ALKBH8: variants seen among roughly 807,000 people sequenced by gnomAD.
ALKBH8 encodes alkB homolog 8, tRNA methyltransferase.
A neutral mutation model predicts 59.8 loss-of-function variants in ALKBH8; 36 were observed. The ratio of observed to expected loss-of-function variants is 0.60; its 90% CI spans 0.46 to 0.79. ALKBH8 has a LOEUF of 0.79. ALKBH8 is among the 30% of genes least tolerant of loss of function. The probability of loss-of-function intolerance (pLI) is 0.00; values close to 1 mark genes in which losing one functional copy is unlikely to be tolerated. For missense variants in ALKBH8, 768 were observed against 801.0 expected (o/e 0.96, Z 0.50); for synonymous variants, 276 against 273.6 (o/e 1.01, Z -0.09).
At chr11:107,539,571 C>A (rs1465242698) in intron 7 of ALKBH8, among the ~76,000 whole-genome samples, 2 of 151,492 alleles carry the variant, frequency 1.3e-5, no homozygotes, top group African/African-American at 4.9e-5. Flanking sequence ...TGCACTCCAG[C>A]CTGGGCAACA....
intron 8 of ALKBH8, among the ~76,000 whole-genome samples, chr11:107,527,058 GAATCGGTTTGTC>G (rs1341017244): frequency 6.6e-6 from 1 of 151,854 alleles, no homozygotes; most frequent in Non-Finnish European, 1.5e-5. Flanking sequence ...ATAAATTTTA[GAATCGGTTTGTC>G]AATTTTGTCA....
Position 107,514,196 on chromosome 11 carries a change from A to C in ALKBH8, c.1288-3160T>G, listed in dbSNP as rs562197055. On this transcript the variant is annotated intron_variant, in intron 10 of 11. Coordinates refer to ENST00000428149, the MANE Select transcript of ALKBH8 (RefSeq NM_138775.3). The stretch of plus-strand genomic sequence containing the variant: ...AGTGACATTCAATTTACCAAAAAAA[A>C]CAGTATTTTTATTAAAAGTTCCTTA... 2.4e-4 allele frequency among the ~76,000 whole-genome samples: 37 copies of C among 152,336 alleles called. No homozygotes were observed. The South Asian group carries it at 3.3e-3, about 14-fold the overall frequency.
chr11:107,553,774 C>A, intron 4 of ALKBH8, 73 bp downstream of exon 4: 1 of 1,481,272 alleles, frequency 6.8e-7, no homozygotes. Context: ...ATTAATAAAC[C>A]ATGAAAGACA....
At chr11:107,561,279 A>C (rs1864928066) in intron 1 of ALKBH8, among the ~76,000 whole-genome samples, 1 of 152,162 alleles carries the variant, frequency 6.6e-6, no homozygotes. Flanking sequence ...GGGGAGAAAT[A>C]ACACACAAAA....
intron 8 of ALKBH8, among the ~76,000 whole-genome samples, chr11:107,529,406 T>C (rs891731882): frequency 1.6e-4 from 24 of 152,168 alleles, no homozygotes; most frequent in African/African-American, 5.3e-4. Context: ...TTTAGAAATA[T>C]ATTGTTTATC....
intron 8 of ALKBH8, among the ~76,000 whole-genome samples, 181 bp from the exon 9 acceptor site, chr11:107,525,773 T>C (rs1453845200): frequency 1.3e-5 from 2 of 151,968 alleles, no homozygotes; most frequent in Non-Finnish European, 2.9e-5. Flanking sequence ...GGAAATTATC[T>C]TCATGACAAT....
intron 2 of ALKBH8, among the ~76,000 whole-genome samples, chr11:107,557,767 C>T (rs1480525353): frequency 6.6e-6 from 1 of 152,154 alleles, no homozygotes. Flanking sequence ...AAACTTTATT[C>T]AAGGAAATTT....
chr11:107,553,822 A>G (rs773469230), intron 4 of ALKBH8, 25 bp downstream of exon 4: 2 of 1,598,354 alleles, frequency 1.3e-6, no homozygotes, highest in Admixed American at 3.5e-5. Context: ...ACTTTCAAAT[A>G]TCAGATTTTG....
intron 7 of ALKBH8, among the ~76,000 whole-genome samples, chr11:107,540,078 A>T (rs1282512801): frequency 6.6e-6 from 1 of 152,180 alleles, no homozygotes; most frequent in African/African-American, 2.4e-5. Flanking sequence ...ATTGCTACTG[A>T]GAGAAAATGA....
At chr11:107,521,353 G>A (rs12421988) in intron 10 of ALKBH8, among the ~76,000 whole-genome samples, 18,125 of 151,874 alleles carry the variant, frequency 0.12, 1,277 homozygotes, top group Admixed American at 0.21. Context: ...CATTAAATAT[G>A]CATTTTATTT....
chr11:107,525,625 A>G, intron 8 of ALKBH8, 33 bp from the exon 9 acceptor site: 1 of 1,317,088 alleles, frequency 7.6e-7, no homozygotes, highest in Non-Finnish European at 9.8e-7. Context: ...TTTACTTAAC[A>G]TTGTATTAAT....
At chr11:107,519,643 G>A (rs952845358) in intron 10 of ALKBH8, among the ~76,000 whole-genome samples, 11 of 152,060 alleles carry the variant, frequency 7.2e-5, no homozygotes, top group Admixed American at 5.9e-4. Flanking sequence ...AATACATACT[G>A]GTTGAGAGTC....
In ALKBH8 at chr11:107,520,201, A is replaced by T. The variant is rs568505241; in HGVS notation, c.1287+2098T>A. 2.6e-5 allele frequency among the ~76,000 whole-genome samples: 4 copies of T among 152,318 alleles called. No individual in the cohort carries two copies. In the East Asian group the frequency reaches 7.7e-4, roughly 29 times the overall value. ...CTCCTCACCATTCAACAAACCATTA[A>T]TTAGTAAGCTTCTACCATGTGCCAA... On this transcript the variant is annotated intron_variant, in intron 10 of 11. Coordinates refer to ENST00000428149, the MANE Select transcript of ALKBH8 (RefSeq NM_138775.3).
chr11:107,522,601 T>C lies in ALKBH8; in HGVS notation c.1031-46A>G, dbSNP rs891649222. Reference sequence around the variant, plus strand: ...CACCTTTCCTTTTTATCAGAATAACTCATAAGGTATCAAGTTTTCTTAAAT... The same window carrying C: ...CACCTTTCCTTTTTATCAGAATAACCCATAAGGTATCAAGTTTTCTTAAAT... On this transcript the variant is annotated intron_variant, in intron 9 of 11. Transcript: ENST00000428149. 20 of 1,494,168 alleles carry C rather than the reference T, an allele frequency of 1.3e-5. No individual in the cohort carries two copies. In the Admixed American group the frequency reaches 3.8e-4, roughly 29 times the overall value. The allele number at this position is 1,494,168 out of a possible 1,614,324, so 92.6% of individuals were successfully genotyped here. A position where few individuals can be genotyped will look rare whatever the true frequency, so the allele number is the denominator to read the frequency against.
At chr11:107,522,768 T>C (rs1397149248) in intron 9 of ALKBH8, among the ~76,000 whole-genome samples, 1 of 152,112 alleles carries the variant, frequency 6.6e-6, no homozygotes, top group African/African-American at 2.4e-5. Context: ...ATCGTGCTAT[T>C]GCACTCCAGC....
In ALKBH8 at chr11:107,559,623, C is replaced by T. The variant is rs1416067812; in HGVS notation, c.129+1142G>A. On this transcript the variant is annotated intron_variant, in intron 2 of 11. Coordinates refer to ENST00000428149, the MANE Select transcript of ALKBH8 (RefSeq NM_138775.3). ...TAATCTTCTGAATGTCTCACAGCCT[C>T]AGTGGCTCTTGACTGAAACAGTAAA... Among the ~76,000 whole-genome samples the T allele has an allele frequency of 6.6e-5, 10 of 152,186 alleles. 1 individual carries two copies. The highest frequency in any genetic ancestry group is 1.3e-4 in the Non-Finnish European group (9 of 68,040).
intron 8 of ALKBH8, among the ~76,000 whole-genome samples, chr11:107,527,500 C>T (rs1343567570): frequency 6.6e-6 from 1 of 151,922 alleles, no homozygotes; most frequent in Non-Finnish European, 1.5e-5. Context: ...TTTGTCATTG[C>T]CATATTTCAC....
Position 107,505,088 on chromosome 11 carries a change from CT to C in ALKBH8, c.1564del (p.Arg522GlufsTer10), listed in dbSNP as rs1428723464. 3.2e-6 allele frequency: 5 copies of C among 1,551,426 alleles called. No homozygotes were observed. Among genetic ancestry groups the C allele is most frequent in the Non-Finnish European group, 4.4e-6 (5 of 1,146,962 alleles). On this transcript the variant is annotated frameshift_variant, in exon 12 of 12. Coordinates refer to ENST00000428149, the MANE Select transcript of ALKBH8 (RefSeq NM_138775.3). LOFTEE classifies it low-confidence loss of function (END_TRUNC). ...KQKSKYLRGN[R>X]NSQGKKEEMN... ...CTCCTCTTTCTTTCCTTGGCTATTT[CT>C]GTTTCCTCTAAGATACTTGGACTTC... is the stretch of plus-strand genomic sequence containing the variant.
chr11:107,504,689 C>T lies in ALKBH8; in HGVS notation c.1964G>A (p.Gly655Glu). The T allele has an allele frequency of 6.5e-7, 1 of 1,549,464 alleles. No homozygotes were observed. Among genetic ancestry groups the T allele is most frequent in the Non-Finnish European group, 8.7e-7 (1 of 1,145,898 alleles). Residue 655 changes from glycine to glutamate, a missense_variant, in exon 12 of 12, where the codon GGA (glycine) becomes GAA (glutamate). Gly to Glu is a moderately conservative substitution (Grantham distance 98). Transcript: ENST00000428149. ...CTTTTGAAGAATCACACACCAGTTT[C>T]CTTGATCGTAGTAGCTTTGCAGAAT... ...VRILQSYYDQ[G>E]NWCVILQKA
Sources: allele counts gnomAD v4.1 joint callset (sites outside exome capture counted in the v4.1 genomes callset), GRCh38; gene constraint gnomAD v4.1.1; transcripts MANE v1.5; gene names NCBI Gene and HGNC (gene_info 2026-07-23, HGNC 2026-07-21).